The following PTPRCAP variants were observed in gnomAD, a reference collection of about 807,000 sequenced individuals.
PTPRCAP encodes the protein protein tyrosine phosphatase receptor type C-associated protein.
For missense variants in PTPRCAP, 294 were observed against 285.5 expected (o/e 1.03, Z -0.22); for synonymous variants, 136 against 135.8 (o/e 1.00, Z -0.01).
At chr11:67,436,761 C>G (rs1005792555) in intron 1 of PTPRCAP, 1 of 183,342 alleles carries the variant, frequency 5.5e-6, no homozygotes, top group African/African-American at 2.4e-5. Flanking sequence ...CACCCCAGCA[C>G]CCCCCAGCAC....
rs753471428 is a variant in PTPRCAP at position 67,435,944 on chromosome 11, G to A, written c.410C>T (p.Ala137Val). 6.2e-6 allele frequency: 10 copies of A among 1,613,506 alleles called. No homozygotes were observed. In the Admixed American group the frequency reaches 1.5e-4, roughly 24 times the overall value. Residue 137 changes from alanine (A) to valine (V), a missense_variant, in exon 2 of 2, where the codon GCG becomes GTG. Coordinates refer to ENST00000326294, the MANE Select transcript of PTPRCAP (RefSeq NM_005608.3). ...CACGGGGACCTGCTCTGGGCTGGAC[G>A]CCTCTCCACATTGCTGCTCGCCTTC... is the stretch of plus-strand genomic sequence containing the variant. ...PGEGEQQCGE[A>V]SSPEQVPVRA...
At chr11:67,437,593 A>G in intron 1 of PTPRCAP, 24 bp downstream of exon 1, 5 of 1,348,680 alleles carry the variant, frequency 3.7e-6, no homozygotes, top group Non-Finnish European at 3.8e-6. Flanking sequence ...CCATCCCAAG[A>G]ACCCGGGGGG....
In PTPRCAP at chr11:67,436,357, G is replaced by T. The variant is rs777588354; in HGVS notation, c.4-7C>A. ...CTAAGGTGCAGGGCAGAGCCTGTGG[G>T]AGACAGGCAGGGGCTCAGAGGGCTC... On this transcript the variant is annotated splice_region_variant and splice_polypyrimidine_tract_variant and intron_variant, in intron 1 of 1. Coordinates refer to ENST00000326294, the MANE Select transcript of PTPRCAP (RefSeq NM_005608.3). 7.4e-5 allele frequency: 108 copies of T among 1,449,924 alleles called. No individual in the cohort carries two copies. Among genetic ancestry groups the T allele is most frequent in the Non-Finnish European group, 9.4e-5 (104 of 1,102,630 alleles). 89.8% of individuals were successfully genotyped at this position (1,449,924 alleles called of 1,614,324 possible). A position where few individuals can be genotyped will look rare whatever the true frequency, so the allele number is the denominator to read the frequency against.
Position 67,436,337 on chromosome 11 carries a change from G to C in PTPRCAP, c.17C>G (p.Thr6Ser). 2 of 1,485,632 alleles carry C rather than the reference G, an allele frequency of 1.3e-6. No individual in the cohort carries two copies. The highest frequency in any genetic ancestry group is 4.5e-5 in the Admixed American group (2 of 43,972). The allele number at this position is 1,485,632 out of a possible 1,614,324, so 92.0% of individuals were successfully genotyped here. Residue 6 changes from threonine to serine, a missense_variant, in exon 2 of 2, where the codon ACC (threonine) becomes AGC (serine). Coordinates refer to ENST00000326294, the MANE Select transcript of PTPRCAP (RefSeq NM_005608.3). ...GGCCAGCAGCATCCCGAGCCCTAAG[G>C]TGCAGGGCAGAGCCTGTGGGAGACA... MALPC[T>S]LGLGMLLALP...
rs138220100 is a variant in PTPRCAP at position 67,435,890 on chromosome 11, G to A, written c.464C>T (p.Thr155Met). 9.5e-5 allele frequency: 153 copies of A among 1,611,994 alleles called. No homozygotes were observed. The highest frequency in any genetic ancestry group is 3.1e-4 in the African/African-American group (23 of 74,896). ...GGAGCCGAGGACCAGGTCGCCCTCCGTGTCACTGTCTCTGGCTTCCTCAGC... is the reference window on the plus strand; with the variant it reads ...GGAGCCGAGGACCAGGTCGCCCTCCATGTCACTGTCTCTGGCTTCCTCAGC... ...VRAEEARDSD[T>M]EGDLVLGSPG... is the part of the protein sequence containing the mutation. Residue 155 changes from threonine to methionine, a missense_variant, in exon 2 of 2, where the codon ACG (threonine) becomes ATG (methionine). By Grantham distance (81) the Thr-to-Met change is moderately conservative (BLOSUM62 -1). Coordinates refer to ENST00000326294, the MANE Select transcript of PTPRCAP (RefSeq NM_005608.3).
intron 1 of PTPRCAP, chr11:67,436,801 A>C: frequency 6.0e-6 from 1 of 165,676 alleles, no homozygotes; most frequent in Non-Finnish European, 1.3e-5. Context: ...ATGTCACCTA[A>C]CGCAGGAGAT....
chr11:67,436,100 C>T lies in PTPRCAP; in HGVS notation c.254G>A (p.Ser85Asn), dbSNP rs751302699. 7 of 1,609,208 alleles carry T rather than the reference C, an allele frequency of 4.3e-6. No homozygotes were observed. In the South Asian group the frequency reaches 7.7e-5, roughly 18 times the overall value. Residue 85 changes from serine to asparagine, a missense_variant, in exon 2 of 2, where the codon AGC becomes AAC. Ser to Asn is a conservative substitution (Grantham distance 46). Coordinates refer to ENST00000326294, the MANE Select transcript of PTPRCAP (RefSeq NM_005608.3). ...GGCCTGCAGCCAGCGACCTGGGGGG[C>T]TGGCCCAGAGCAGGCGCCGCGTGCG... ...WGRTRRLLWA[S>N]PPGRWLQARA...
chr11:67,437,500 G>A, intron 1 of PTPRCAP, 117 bp downstream of exon 1: 1 of 1,192,560 alleles, frequency 8.4e-7, no homozygotes, highest in Non-Finnish European at 1.1e-6. Context: ...CTCCTCTTAG[G>A]TCTCACCTCT....
chr11:67,435,934 T>G lies in PTPRCAP; in HGVS notation c.420A>C (p.Pro140=). 6.2e-7 allele frequency: 1 copy of G among 1,613,380 alleles called. No homozygotes were observed. The highest frequency in any genetic ancestry group is 1.3e-5 in the African/African-American group (1 of 75,020). ...CCTCAGCCCGCACGGGGACCTGCTC[T>G]GGGCTGGACGCCTCTCCACATTGCT... ...GEQQCGEASS[P]EQVPVRAEEA... is the part of the protein sequence containing the mutation. The change falls in exon 2 of 2, where the codon CCA becomes CCC. Residue 140 remains proline, a synonymous_variant. Transcript: ENST00000326294.
intron 1 of PTPRCAP, chr11:67,436,580 T>G: frequency 2.2e-6 from 1 of 448,506 alleles, no homozygotes; most frequent in East Asian, 3.6e-5. Context: ...ACAGCTGCAT[T>G]AAGCCACCTG....
rs747969831 is a variant in PTPRCAP, at chr11:67,435,964, G to A, written c.390C>T (p.Gly130=). 71 of 1,613,616 alleles carry A rather than the reference G, an allele frequency of 4.4e-5. 1 individual carries two copies. In the South Asian group the frequency reaches 6.9e-4, roughly 16 times the overall value. Residue 130 remains glycine, a synonymous_variant, in exon 2 of 2, where the codon GGC becomes GGT. Transcript: ENST00000326294. ...DGGLQADPGE[G]EQQCGEASSP... is the part of the protein sequence containing the mutation. ...TGGACGCCTCTCCACATTGCTGCTC[G>A]CCTTCCCCAGGGTCAGCCTGCAGGC...
intron 1 of PTPRCAP, 49 bp downstream of exon 1, chr11:67,437,568 G>T (rs770236193): frequency 1.5e-6 from 2 of 1,337,632 alleles, no homozygotes; most frequent in African/African-American, 3.0e-5. Context: ...TTCTAGCCCC[G>T]ACCGCCTGTG....
chr11:67,437,456 G>T, intron 1 of PTPRCAP, 161 bp downstream of exon 1: 1 of 855,716 alleles, frequency 1.2e-6, no homozygotes, highest in Non-Finnish European at 1.6e-6. Flanking sequence ...AGGGAGCCCA[G>T]CTCAGGTGAG....
rs527433466 is a variant in PTPRCAP, at chr11:67,437,207, G to T, written c.3+410C>A. 138 of 172,220 alleles carry T rather than the reference G, an allele frequency of 8.0e-4. 2 individuals are homozygous for T. The highest frequency in any genetic ancestry group is 1.8e-3 in the South Asian group (9 of 5,036). 10.7% of individuals were successfully genotyped at this position (172,220 alleles called of 1,614,324 possible). A position where few individuals can be genotyped will look rare whatever the true frequency, so the allele number is the denominator to read the frequency against. ...CAGGCGTGCAGGGCCGGGGGCTGGG[G>T]GGGGCTGGGGGAGGCGGGCGCAGCT... On this transcript the variant is annotated intron_variant, in intron 1 of 1. Transcript: ENST00000326294.
At chr11:67,436,604 C>T in intron 1 of PTPRCAP, 1 of 413,084 alleles carries the variant, frequency 2.4e-6, no homozygotes, top group Non-Finnish European at 4.3e-6. Flanking sequence ...GGGGCCTTCG[C>T]ACTGGCTGTT....
In PTPRCAP at chr11:67,435,763, C is replaced by T; in HGVS notation, c.591G>A (p.Gly197=). 8 of 1,556,508 alleles carry T rather than the reference C, an allele frequency of 5.1e-6. No homozygotes were observed. Among genetic ancestry groups the T allele is most frequent in the Non-Finnish European group, 5.2e-6 (6 of 1,152,066 alleles). ...GTGCGGTGACATGGAGGCCCTGGCC[C>T]CCAGCTGCCCTGGCGCTGTCATCCC... ...AAWDDSARAA[G]GQGLHVTAL The change falls in exon 2 of 2, where the codon GGG becomes GGA. Residue 197 remains glycine, a synonymous_variant. Transcript: ENST00000326294.
Position 67,435,962 on chromosome 11 carries a change from T to C in PTPRCAP, c.392A>G (p.Glu131Gly). ...GCTGGACGCCTCTCCACATTGCTGC[T>C]CGCCTTCCCCAGGGTCAGCCTGCAG... ...GGLQADPGEGEQQCGEASSPE... is the reference protein window; with the variant it reads ...GGLQADPGEGGQQCGEASSPE... Residue 131 changes from glutamate (E) to glycine (G), a missense_variant, in exon 2 of 2, where the codon GAG becomes GGG. Transcript: ENST00000326294. 1 of 1,613,616 alleles carries C rather than the reference T, an allele frequency of 6.2e-7. No homozygotes were observed. Among genetic ancestry groups the C allele is most frequent in the Non-Finnish European group, 8.5e-7 (1 of 1,179,896 alleles).
Position 67,437,676 on chromosome 11 carries a change from G to A in PTPRCAP, c.-57C>T. ...ACCTCCAGCTCTGGCTGTGTCGAGC[G>A]AGAAGTGAGCTCAGTGCTCGTCTGC... On this transcript the variant is annotated 5_prime_UTR_variant, in exon 1 of 2. Coordinates refer to ENST00000326294, the MANE Select transcript of PTPRCAP (RefSeq NM_005608.3). 5 of 1,348,090 alleles carry A rather than the reference G, an allele frequency of 3.7e-6. No homozygotes were observed. Among genetic ancestry groups the A allele is most frequent in the South Asian group, 4.6e-5 (2 of 43,834 alleles). 83.5% of individuals were successfully genotyped at this position (1,348,090 alleles called of 1,614,324 possible).
chr11:67,435,613 G>C lies in PTPRCAP; in HGVS notation c.*120C>G. ...TACACATGGACTTGGGAACTGGTAG[G>C]GGGTGACAGTCTGAGGCATGGTCAT... On this transcript the variant is annotated 3_prime_UTR_variant, in exon 2 of 2. Coordinates refer to ENST00000326294, the MANE Select transcript of PTPRCAP (RefSeq NM_005608.3). 7.0e-7 allele frequency: 1 copy of C among 1,427,958 alleles called. No homozygotes were observed. Among genetic ancestry groups the C allele is most frequent in the Non-Finnish European group, 9.3e-7 (1 of 1,075,978 alleles). The allele number at this position is 1,427,958 out of a possible 1,614,324, so 88.5% of individuals were successfully genotyped here.
Sources: allele counts gnomAD v4.1 joint callset, GRCh38; gene constraint gnomAD v4.1.1; transcripts MANE v1.5; gene names NCBI Gene and HGNC (gene_info 2026-07-23, HGNC 2026-07-21).